DAPK1: variants seen among roughly 807,000 people sequenced by gnomAD.
DAPK1 encodes death-associated protein kinase 1.
DAPK1 carries 56 observed loss-of-function variants against 144.9 expected under a neutral mutation model. The observed-to-expected ratio is 0.39, with a 90% CI of 0.31 to 0.48. The LOEUF is 0.48. Among genes scored for constraint, DAPK1 ranks in the 20% least tolerant of loss-of-function variants. DAPK1 has a pLI of 0.95. For synonymous variants in DAPK1, 690 were observed against 749.0 expected, an observed-to-expected ratio of 0.92 and a Z score of 1.29; for missense variants, 1,454 against 1,875.4, an observed-to-expected ratio of 0.78 and a Z score of 4.15.
chr9:87,554,943 G>A lies in DAPK1; in HGVS notation c.63-50011G>A, dbSNP rs144884240. On this transcript the variant is annotated intron_variant, in intron 2 of 25. Coordinates refer to ENST00000408954, the MANE Select transcript of DAPK1 (RefSeq NM_004938.4). ...AATCTACAGTGAGAATCTAATGATGGTATCAGTTGTAGAGGCCCCTTGATC... is the reference window on the plus strand; with the variant it reads ...AATCTACAGTGAGAATCTAATGATGATATCAGTTGTAGAGGCCCCTTGATC... Among the ~76,000 whole-genome samples, 25 of 152,322 alleles carry A rather than the reference G, an allele frequency of 1.6e-4. No homozygotes were observed. In the East Asian group the frequency reaches 4.6e-3, roughly 28 times the overall value.
At chr9:87,670,179 A>G (rs1271036355) in intron 19 of DAPK1, among the ~76,000 whole-genome samples, 1 of 152,026 alleles carries the variant, frequency 6.6e-6, no homozygotes, top group Non-Finnish European at 1.5e-5. Flanking sequence ...TACAGGCAAA[A>G]CAAGCAGGGG....
intron 2 of DAPK1, among the ~76,000 whole-genome samples, chr9:87,590,205 T>C (rs1382186805): frequency 6.6e-6 from 1 of 152,008 alleles, no homozygotes; most frequent in African/African-American, 2.4e-5. Context: ...TGATAGGAGA[T>C]TGCTTCTGCC....
intron 2 of DAPK1, among the ~76,000 whole-genome samples, chr9:87,546,258 A>G (rs187733434): frequency 1.4e-4 from 21 of 152,314 alleles, no homozygotes; most frequent in Non-Finnish European, 2.5e-4. Flanking sequence ...CAAGGCCCCA[A>G]GAAGCAGCAG....
intron 2 of DAPK1, among the ~76,000 whole-genome samples, chr9:87,570,921 G>A (rs1335008895): frequency 1.3e-5 from 2 of 152,094 alleles, no homozygotes; most frequent in Middle Eastern, 3.2e-3. Context: ...ACCCCTAACT[G>A]TGCTGATAAG....
intron 18 of DAPK1, among the ~76,000 whole-genome samples, chr9:87,665,325 A>G (rs1465402594): frequency 6.6e-6 from 1 of 152,234 alleles, no homozygotes; most frequent in Non-Finnish European, 1.5e-5. Flanking sequence ...AGATGAAAGT[A>G]TGAAGGAAGG....
At chr9:87,530,183 A>G (rs773158111) in intron 2 of DAPK1, among the ~76,000 whole-genome samples, 1 of 152,108 alleles carries the variant, frequency 6.6e-6, no homozygotes, top group African/African-American at 2.4e-5. Flanking sequence ...ATTATGTTCT[A>G]TTGTTATTAT....
intron 19 of DAPK1, among the ~76,000 whole-genome samples, chr9:87,680,179 A>G (rs1413335816): frequency 6.6e-6 from 1 of 152,116 alleles, no homozygotes; most frequent in Non-Finnish European, 1.5e-5. Context: ...ATCTCCGCTC[A>G]CTGCAAGCTC....
rs778986387 is a variant in DAPK1 at position 87,638,085 on chromosome 9, C to T, written c.423+4C>T. ...AATCGCCCACTTTGATCTTAAGGTA[C>T]GTTTCAAAGTGTAAGCCAGATAGAA... is the stretch of plus-strand genomic sequence containing the variant. On this transcript the variant is annotated splice_donor_region_variant and intron_variant, in intron 4 of 25. Coordinates refer to ENST00000408954, the MANE Select transcript of DAPK1 (RefSeq NM_004938.4). 76 of 1,609,026 alleles carry T rather than the reference C, an allele frequency of 4.7e-5. 1 individual carries two copies. In the South Asian group the frequency reaches 7.3e-4, roughly 15 times the overall value.
chr9:87,636,269 G>C (rs7357664), intron 3 of DAPK1, among the ~76,000 whole-genome samples: 7,316 of 152,276 alleles, frequency 0.048, 585 homozygotes, highest in African/African-American at 0.17. Context: ...CCCAGGCCCT[G>C]CTGTGTCCCC....
rs574839750 is a variant in DAPK1 at position 87,554,740 on chromosome 9, C to T, written c.63-50214C>T. On this transcript the variant is annotated intron_variant, in intron 2 of 25. Transcript: ENST00000408954. ...TGAGCAAAGTGCCATCAGCTGGCCT[C>T]GGCCTGACTGCTCTGGCGGGAGGGA... Among the ~76,000 whole-genome samples, 18 of 152,328 alleles carry T rather than the reference C, an allele frequency of 1.2e-4. No homozygotes were observed. In the East Asian group the frequency reaches 2.3e-3, roughly 20 times the overall value.
intron 20 of DAPK1, among the ~76,000 whole-genome samples, chr9:87,682,497 T>G (rs1275042750): frequency 6.6e-6 from 1 of 152,198 alleles, no homozygotes; most frequent in East Asian, 1.9e-4. Context: ...AGGTTGATGC[T>G]AAAGTTTGTG....
chr9:87,512,341 C>A (rs928391451), intron 2 of DAPK1, among the ~76,000 whole-genome samples: 2 of 152,046 alleles, frequency 1.3e-5, no homozygotes, highest in African/African-American at 4.8e-5. Context: ...GTGTGGACAC[C>A]TGAGTCCCTG....
chr9:87,596,841 T>C (rs1196507992), intron 2 of DAPK1, among the ~76,000 whole-genome samples: 2 of 152,210 alleles, frequency 1.3e-5, no homozygotes, highest in Non-Finnish European at 2.9e-5. Context: ...CAGTTTATCA[T>C]GATCTCTTAA....
chr9:87,574,633 A>G (rs557452001), intron 2 of DAPK1, among the ~76,000 whole-genome samples: 1 of 152,312 alleles, frequency 6.6e-6, no homozygotes, highest in Admixed American at 6.5e-5. Context: ...TTGAAGGTAG[A>G]AGGTGACCAG....
chr9:87,668,534 C>T (rs1378387978), intron 18 of DAPK1, 63 bp from the exon 19 acceptor site: 8 of 887,344 alleles, frequency 9.0e-6, no homozygotes, highest in South Asian at 5.2e-5. Flanking sequence ...ACGGAATTGG[C>T]GTATGGAACA....
Position 87,679,870 on chromosome 9 carries a change from C to T in DAPK1, c.2002-1534C>T, listed in dbSNP as rs190704646. Among the ~76,000 whole-genome samples the T allele has an allele frequency of 1.1e-3, 173 of 152,224 alleles. 1 individual carries two copies. The East Asian group carries it at 0.018, about 16-fold the overall frequency. On this transcript the variant is annotated intron_variant, in intron 19 of 25. Coordinates refer to ENST00000408954, the MANE Select transcript of DAPK1 (RefSeq NM_004938.4). ...AGTGCCCCTTCTCTCATCCTCTTGT[C>T]CCATTACTGCCCTAAAGGATCCAGA...
chr9:87,671,207 G>T (rs1016286701), intron 19 of DAPK1, among the ~76,000 whole-genome samples: 16 of 152,110 alleles, frequency 1.1e-4, no homozygotes, highest in African/African-American at 3.9e-4. Flanking sequence ...AGTGAAAGGG[G>T]CTTGTTCCCA....
At chr9:87,578,041 T>A (rs1446846530) in intron 2 of DAPK1, among the ~76,000 whole-genome samples, 1 of 152,156 alleles carries the variant, frequency 6.6e-6, no homozygotes, top group Non-Finnish European at 1.5e-5. Flanking sequence ...CCTCATTTGC[T>A]GGTGCTCTGA....
chr9:87,658,235 A>G (rs1412943026), intron 18 of DAPK1, 108 bp downstream of exon 18: 1 of 613,642 alleles, frequency 1.6e-6, no homozygotes, highest in Non-Finnish European at 2.9e-6. Context: ...TGAAGCAGCC[A>G]GGCTGCTGTT....
Sources: allele counts gnomAD v4.1 joint callset (sites outside exome capture counted in the v4.1 genomes callset), GRCh38; gene constraint gnomAD v4.1.1; transcripts MANE v1.5; gene names NCBI Gene and HGNC (gene_info 2026-07-23, HGNC 2026-07-21).